Variants in NTM observed in about 807,000 individuals in gnomAD.
NTM encodes the protein neurotrimin, also known as IgLON family member 2.
A neutral mutation model predicts 42.1 loss-of-function variants in NTM; 13 were observed. That is an observed-to-expected ratio of 0.31 (90% CI 0.20 to 0.49). The LOEUF (loss-of-function observed/expected upper bound fraction) is 0.49, where lower values mean the gene tolerates loss of function less well. NTM is among the 20% of genes least tolerant of loss of function. NTM has a pLI of 0.99. For missense variants in NTM, 373 were observed against 452.8 expected (o/e 0.82, Z 1.60); for synonymous variants, 187 against 179.2 (o/e 1.04, Z -0.35).
chr11:132,306,039 T>G (rs1383126426), intron 4 of NTM, among the ~76,000 whole-genome samples: 1 of 152,230 alleles, frequency 6.6e-6, no homozygotes, highest in African/African-American at 2.4e-5. Context: ...GCATATGGCA[T>G]GAAGATGTAT....
intron 1 of NTM, among the ~76,000 whole-genome samples, chr11:131,676,151 T>C (rs1394867864): frequency 6.6e-6 from 1 of 152,164 alleles, no homozygotes; most frequent in Non-Finnish European, 1.5e-5. Context: ...CAAGAGGCTG[T>C]TGGAAGACAC....
intron 1 of NTM, among the ~76,000 whole-genome samples, chr11:131,778,195 G>A (rs1305711618): frequency 2.0e-5 from 3 of 152,186 alleles, no homozygotes; most frequent in Non-Finnish European, 4.4e-5. Flanking sequence ...GAAGAAACAT[G>A]CAACCTCTAC....
chr11:132,063,041 C>T (rs1284792029), intron 2 of NTM, among the ~76,000 whole-genome samples: 1 of 152,086 alleles, frequency 6.6e-6, no homozygotes, highest in Non-Finnish European at 1.5e-5. Context: ...CTCTTTTTCA[C>T]AGCTCTGGAA....
intron 1 of NTM, among the ~76,000 whole-genome samples, chr11:131,737,444 G>C (rs1267757295): frequency 6.6e-6 from 1 of 152,204 alleles, no homozygotes. Flanking sequence ...CAGTAGAAGA[G>C]AAACCATTCA....
At chr11:131,930,283 T>G (rs2134077739) in intron 2 of NTM, among the ~76,000 whole-genome samples, 1 of 152,310 alleles carries the variant, frequency 6.6e-6, no homozygotes, top group South Asian at 2.1e-4. Context: ...CCATATATGG[T>G]TTGAGCAGGT....
At chr11:131,592,781 C>A (rs2059492460) in intron 1 of NTM, among the ~76,000 whole-genome samples, 1 of 152,064 alleles carries the variant, frequency 6.6e-6, no homozygotes, top group Non-Finnish European at 1.5e-5. Flanking sequence ...CCAGCCCTGG[C>A]CTGCCACACT....
intron 1 of NTM, among the ~76,000 whole-genome samples, chr11:131,489,245 A>G (rs1050260352): frequency 2.6e-5 from 4 of 152,136 alleles, no homozygotes; most frequent in Non-Finnish European, 2.9e-5. Flanking sequence ...GAAATGGCCC[A>G]TGTTTGCAGC....
At chr11:131,818,663 C>T (rs2093049836) in intron 1 of NTM, among the ~76,000 whole-genome samples, 2 of 152,140 alleles carry the variant, frequency 1.3e-5, no homozygotes, top group Admixed American at 1.3e-4. Context: ...TAATCATTCA[C>T]AGGATAGCTA....
chr11:131,862,378 G>T (rs2046733818), intron 1 of NTM, among the ~76,000 whole-genome samples: 1 of 151,992 alleles, frequency 6.6e-6, no homozygotes, highest in Admixed American at 6.5e-5. Flanking sequence ...CCCTGAGGAA[G>T]GCTTCAACAG....
intron 1 of NTM, among the ~76,000 whole-genome samples, chr11:131,873,575 ATATATATATACC>A (rs1565657518): frequency 7.4e-5 from 4 of 54,328 alleles, no homozygotes; most frequent in African/African-American, 2.3e-4. Flanking sequence ...ATATATATAC[ATATATATATACC>A]GTATATATAT....
At chr11:131,884,395 G>A (rs543563509) in intron 1 of NTM, among the ~76,000 whole-genome samples, 1 of 151,716 alleles carries the variant, frequency 6.6e-6, no homozygotes, top group South Asian at 2.1e-4. Flanking sequence ...AGCAACAAGA[G>A]CAAAACTCCA....
chr11:131,418,633 C>T (rs1947189451), intron 1 of NTM, among the ~76,000 whole-genome samples: 1 of 152,204 alleles, frequency 6.6e-6, no homozygotes, highest in South Asian at 2.1e-4. Flanking sequence ...CATCCACTCA[C>T]AGACTAGACA....
chr11:131,415,442 C>A (rs1238626467), intron 1 of NTM, among the ~76,000 whole-genome samples: 2 of 152,182 alleles, frequency 1.3e-5, no homozygotes, highest in Non-Finnish European at 2.9e-5. Context: ...AAATGCTTAG[C>A]TAATTTATAT....
chr11:131,539,643 T>G (rs1429976747), intron 1 of NTM: 2 of 152,124 alleles, frequency 1.3e-5, no homozygotes, highest in African/African-American at 4.8e-5. Context: ...CTGAGAATAA[T>G]CAGGGCCAGA....
At position 131,599,471 on chromosome 11, in the gene NTM, G is replaced by C. The variant is rs764118730; in HGVS notation, c.82+228583G>C. 3.3e-5 allele frequency among the ~76,000 whole-genome samples: 5 copies of C among 152,362 alleles called. No individual in the cohort carries two copies. The East Asian group carries it at 9.6e-4, about 29-fold the overall frequency. ...GTCGGAGTGCATGGATATTTGATGA[G>C]CAGTAAACGGCTCTGCCACATCGAT... is the stretch of plus-strand genomic sequence containing the variant. On this transcript the variant is annotated intron_variant, in intron 1 of 8. Transcript: ENST00000683400.
chr11:131,797,447 G>A (rs2091690833), intron 1 of NTM, among the ~76,000 whole-genome samples: 1 of 152,140 alleles, frequency 6.6e-6, no homozygotes, highest in Admixed American at 6.5e-5. Flanking sequence ...TATGACTATG[G>A]CAACACATTT....
chr11:131,736,392 A>G (rs541885755), intron 1 of NTM, among the ~76,000 whole-genome samples: 74 of 152,262 alleles, frequency 4.9e-4, no homozygotes, highest in African/African-American at 1.7e-3. Flanking sequence ...CACACATTCA[A>G]AAGTCCTTAG....
At position 131,599,284 on chromosome 11, in the gene NTM, T is replaced by C. The variant is rs67582926; in HGVS notation, c.82+228396T>C. Among the ~76,000 whole-genome samples the C allele has an allele frequency of 2.4e-3, 130 of 53,954 alleles. 10 individuals carry two copies. The highest frequency in any genetic ancestry group is 3.9e-3 in the African/African-American group (114 of 29,216). The allele number at this position is 53,954 out of a possible 152,430, so 35.4% of individuals were successfully genotyped here. Reference sequence around the variant, plus strand: ...TCTACCCAGTCTCCAGCAGATGCCCTGTCTACCCAGTCTCCGGCAGATGCC... The same window carrying C: ...TCTACCCAGTCTCCAGCAGATGCCCCGTCTACCCAGTCTCCGGCAGATGCC... On this transcript the variant is annotated intron_variant, in intron 1 of 8. Coordinates refer to ENST00000683400, the MANE Select transcript of NTM (RefSeq NM_001352005.2).
chr11:131,456,473 C>T (rs1950902975), intron 1 of NTM, among the ~76,000 whole-genome samples: 1 of 152,130 alleles, frequency 6.6e-6, no homozygotes, highest in Non-Finnish European at 1.5e-5. Context: ...CTCATCAAGC[C>T]AGCTAAAGTC....
Sources: gnomAD v4.1 joint callset for allele counts (sites outside exome capture counted in the v4.1 genomes callset) on GRCh38, gnomAD v4.1.1 for gene constraint, MANE v1.5 for transcripts, NCBI Gene and HGNC (gene_info 2026-07-23, HGNC 2026-07-21) for gene names.